The following TRIM9 variants were observed in gnomAD, a reference collection of about 807,000 sequenced individuals.
TRIM9 encodes E3 ubiquitin-protein ligase TRIM9.
TRIM9 carries 26 observed loss-of-function variants against 78.3 expected under a neutral mutation model. That is an observed-to-expected ratio of 0.33 (90% CI 0.24 to 0.46). TRIM9 has a LOEUF of 0.46. Among genes scored for constraint, TRIM9 ranks in the 20% least tolerant of loss-of-function variants. The probability of loss-of-function intolerance (pLI) is 1.00; values close to 1 mark genes in which losing one functional copy is unlikely to be tolerated. For synonymous variants in TRIM9, 398 were observed against 416.5 expected (o/e 0.96, Z 0.54); for missense variants, 787 against 1,036.4 (o/e 0.76, Z 3.30).
chr14:51,094,075 TC>T, intron 1 of TRIM9, 42 bp downstream of exon 1: 1 of 1,563,026 alleles, frequency 6.4e-7, no homozygotes, highest in Non-Finnish European at 8.7e-7. Flanking sequence ...AACCGGATGA[TC>T]GGAGACGCAG....
chr14:51,002,106 T>C lies in TRIM9; in HGVS notation c.1307-1266A>G, dbSNP rs538823813. Among the ~76,000 whole-genome samples, 96 of 36,176 alleles carry C rather than the reference T, an allele frequency of 2.7e-3. No individual in the cohort carries two copies. The African/African-American group carries it at 0.038, about 14-fold the overall frequency. 23.7% of individuals were successfully genotyped at this position (36,176 alleles called of 152,430 possible). A position where few individuals can be genotyped will look rare whatever the true frequency, so the allele number is the denominator to read the frequency against. The stretch of plus-strand genomic sequence containing the variant: ...TATATGTAGTTGGGAACCATGGTTT[T>C]GTGTGTGTGTGTGTGTGTGTTTTTC... On this transcript the variant is annotated intron_variant, in intron 5 of 12. Coordinates refer to ENST00000684578, the MANE Select transcript of TRIM9 (RefSeq NM_001387360.1).
chr14:51,000,591 A>G, intron 6 of TRIM9, 92 bp downstream of exon 6: 1 of 1,526,416 alleles, frequency 6.6e-7, no homozygotes. Context: ...TCCCCAGGAG[A>G]GATGGGGAAG....
intron 1 of TRIM9, among the ~76,000 whole-genome samples, chr14:51,049,830 A>C (rs988452421): frequency 6.6e-6 from 1 of 151,724 alleles, no homozygotes; most frequent in Non-Finnish European, 1.5e-5. Context: ...GTCTCAAAAA[A>C]AAAAATAAAA....
At chr14:51,028,838 C>T (rs1012114577) in intron 1 of TRIM9, among the ~76,000 whole-genome samples, 2 of 152,116 alleles carry the variant, frequency 1.3e-5, no homozygotes, top group Non-Finnish European at 2.9e-5. Context: ...AGAAAGATGA[C>T]AAGTTGTTCA....
intron 3 of TRIM9, among the ~76,000 whole-genome samples, chr14:51,011,041 T>A (rs1261956593): frequency 6.6e-6 from 1 of 152,152 alleles, no homozygotes; most frequent in Non-Finnish European, 1.5e-5. Context: ...GTGGGGGACC[T>A]GGAAGGCCAA....
intron 1 of TRIM9, among the ~76,000 whole-genome samples, chr14:51,037,191 C>A (rs2059224554): frequency 6.6e-6 from 1 of 152,082 alleles, no homozygotes; most frequent in South Asian, 2.1e-4. Flanking sequence ...AAGCGCCATT[C>A]TAAATAACTC....
At chr14:51,014,122 C>T (rs887183545) in intron 3 of TRIM9, among the ~76,000 whole-genome samples, 1 of 152,142 alleles carries the variant, frequency 6.6e-6, no homozygotes, top group African/African-American at 2.4e-5. Context: ...TGTTGTGTTT[C>T]CTTTCCAGAG....
intron 1 of TRIM9, among the ~76,000 whole-genome samples, chr14:51,081,341 G>A (rs752974248): frequency 7.2e-5 from 11 of 152,158 alleles, no homozygotes; most frequent in Non-Finnish European, 1.3e-4. Flanking sequence ...AAGGACAGAC[G>A]ATTACAAGTG....
At chr14:51,030,717 G>C (rs576276775) in intron 1 of TRIM9, among the ~76,000 whole-genome samples, 1 of 152,254 alleles carries the variant, frequency 6.6e-6, no homozygotes, top group Non-Finnish European at 1.5e-5. Context: ...TTGTATGTGA[G>C]ATATGTCATC....
At chr14:51,092,814 TTAAAA>T (rs1362157179) in intron 1 of TRIM9, among the ~76,000 whole-genome samples, 2 of 152,002 alleles carry the variant, frequency 1.3e-5, no homozygotes, top group East Asian at 3.9e-4. Context: ...AATAACATAA[TTAAAA>T]TATATAGCAT....
At chr14:51,022,761 TCCCAGCCTGTCCATCATGC>T (rs1363148831) in intron 3 of TRIM9, 55 bp downstream of exon 3, 6 of 1,591,414 alleles carry the variant, frequency 3.8e-6, no homozygotes. Flanking sequence ...GAAGGAATTC[TCCCAGCCTGTCCATCATGC>T]CCCTCGGGAG....
intron 3 of TRIM9, among the ~76,000 whole-genome samples, chr14:51,016,999 A>G (rs2057283367): frequency 6.6e-6 from 1 of 152,228 alleles, no homozygotes; most frequent in Non-Finnish European, 1.5e-5. Context: ...GTCCTAAAGC[A>G]TGATGACCAA....
At chr14:51,028,171 T>C (rs2058425253) in intron 1 of TRIM9, among the ~76,000 whole-genome samples, 1 of 152,214 alleles carries the variant, frequency 6.6e-6, no homozygotes, top group Non-Finnish European at 1.5e-5. Context: ...CAAAAATCAA[T>C]TTATTTCCAA....
chr14:50,979,468 G>A lies in TRIM9; in HGVS notation c.2244C>T (p.Asn748=), dbSNP rs780746487. The part of the protein sequence containing the change: ...LNRKNLTFFI[N]DEQQGPIAFD... ...ATGCTATGGGACCTTGTTGTTCATC[G>A]TTGATAAAAAATGTCAAGTTTTTTC... Residue 748 remains asparagine, a synonymous_variant, in exon 12 of 13, where the codon AAC becomes AAT. Transcript: ENST00000684578. 3.1e-6 allele frequency: 5 copies of A among 1,614,178 alleles called. No individual in the cohort carries two copies. The South Asian group carries it at 4.4e-5, about 14-fold the overall frequency.
intron 5 of TRIM9, among the ~76,000 whole-genome samples, chr14:51,006,298 T>C (rs2055788345): frequency 6.6e-6 from 1 of 152,236 alleles, no homozygotes; most frequent in African/African-American, 2.4e-5. Flanking sequence ...TTCTTTGAGG[T>C]GCAGTTTCTT....
At chr14:50,994,163 T>C (rs1012555354) in intron 7 of TRIM9, among the ~76,000 whole-genome samples, 3 of 152,124 alleles carry the variant, frequency 2.0e-5, no homozygotes, top group African/African-American at 7.2e-5. Context: ...CCCAGTACTT[T>C]GGGAGGCCAA....
intron 3 of TRIM9, 118 bp downstream of exon 3, chr14:51,022,717 C>T (rs2057872297): frequency 6.7e-7 from 1 of 1,492,700 alleles, no homozygotes; most frequent in Non-Finnish European, 9.0e-7. Context: ...ACTGGCTACC[C>T]AAGGCTGTGG....
chr14:51,003,568 C>T (rs2055363825), intron 5 of TRIM9, among the ~76,000 whole-genome samples: 1 of 151,962 alleles, frequency 6.6e-6, no homozygotes, highest in South Asian at 2.1e-4. Context: ...AACTGAAATA[C>T]ATGATGTCAT....
intron 7 of TRIM9, among the ~76,000 whole-genome samples, chr14:50,990,812 T>A (rs1176940158): frequency 6.6e-6 from 1 of 152,230 alleles, no homozygotes; most frequent in Non-Finnish European, 1.5e-5. Context: ...GTGTTAAAGA[T>A]GAGTTTCAAC....
Sources: gnomAD v4.1 joint callset for allele counts (sites outside exome capture counted in the v4.1 genomes callset) on GRCh38, gnomAD v4.1.1 for gene constraint, MANE v1.5 for transcripts, NCBI Gene and HGNC (gene_info 2026-07-23, HGNC 2026-07-21) for gene names.